DPP6: variants seen among roughly 807,000 people sequenced by gnomAD.
DPP6 encodes the protein dipeptidyl peptidase like 6.
Under a neutral mutation model 122.6 loss-of-function variants are expected in DPP6, and 69 were observed. The observed-to-expected ratio is 0.56, with a 90% CI of 0.46 to 0.69. The LOEUF is 0.69. Ranked by LOEUF, DPP6 falls within the 30% of genes least tolerant of loss-of-function variation. DPP6 has a pLI of 0.00. For missense variants in DPP6, 928 were observed against 1,116.9 expected, an observed-to-expected ratio of 0.83 and a Z score of 2.41; for synonymous variants, 418 against 433.1, an observed-to-expected ratio of 0.97 and a Z score of 0.43.
chr7:154,408,801 T>C (rs1183344999), intron 1 of DPP6, among the ~76,000 whole-genome samples: 1 of 152,108 alleles, frequency 6.6e-6, no homozygotes, highest in Non-Finnish European at 1.5e-5. Flanking sequence ...ATCATTTATT[T>C]ATATCAACAT....
intron 20 of DPP6, among the ~76,000 whole-genome samples, chr7:154,879,376 C>T (rs1286971051): frequency 8.9e-6 from 1 of 112,516 alleles, no homozygotes; most frequent in Non-Finnish European, 1.7e-5. Flanking sequence ...GTCAGGAGAT[C>T]GAGACCATCC....
rs2293354 is a variant in DPP6 at position 154,872,964 on chromosome 7, G to A, written c.1883+271G>A. Among the ~76,000 whole-genome samples, 25,287 of 152,138 alleles carry A rather than the reference G, an allele frequency of 0.17. 2,471 individuals are homozygous for A. Among genetic ancestry groups the A allele is most frequent in the East Asian group, 0.54 (2,744 of 5,126 alleles). ...ATAAAGTGAGGCTGCTGGGATCATC[G>A]TAGTGGCATTTTGCATGACAGGCTC... On this transcript the variant is annotated intron_variant, in intron 19 of 25. Coordinates refer to ENST00000377770, the MANE Select transcript of DPP6 (RefSeq NM_130797.4).
At chr7:154,539,367 C>A (rs1828523419) in intron 3 of DPP6, among the ~76,000 whole-genome samples, 1 of 152,078 alleles carries the variant, frequency 6.6e-6, no homozygotes, top group Non-Finnish European at 1.5e-5. Context: ...TGCTTACTTA[C>A]TATTTTTGTT....
the DPP6 span, among the ~76,000 whole-genome samples, chr7:153,814,108 C>T: frequency 6.6e-6 from 1 of 152,078 alleles, no homozygotes; most frequent in African/African-American, 2.4e-5. Flanking sequence ...ATGCCTATGT[C>T]CTGAATGGTA....
chr7:154,889,014 C>G (rs573217925), intron 23 of DPP6, among the ~76,000 whole-genome samples: 1 of 152,320 alleles, frequency 6.6e-6, no homozygotes, highest in East Asian at 1.9e-4. Context: ...ATTCATCTCC[C>G]ACTGGGTCCC....
At chr7:153,868,443 G>T in the DPP6 span, among the ~76,000 whole-genome samples, 3 of 152,174 alleles carry the variant, frequency 2.0e-5, no homozygotes, top group Non-Finnish European at 4.4e-5. Flanking sequence ...TTGCGTAGAG[G>T]TGTTTATGGT....
At chr7:153,920,375 T>C (rs1031203227) in intron 1 of DPP6, among the ~76,000 whole-genome samples, 1 of 152,098 alleles carries the variant, frequency 6.6e-6, no homozygotes. Flanking sequence ...TGCGATGCTG[T>C]GTGGCAACAA....
At chr7:154,608,178 C>T (rs28776593) in intron 5 of DPP6, among the ~76,000 whole-genome samples, 3 of 149,622 alleles carry the variant, frequency 2.0e-5, no homozygotes, top group Non-Finnish European at 4.5e-5. Context: ...ATGGGGTTTC[C>T]CTGTGTTAGC....
the DPP6 span, among the ~76,000 whole-genome samples, chr7:153,825,722 G>A: frequency 2.0e-5 from 3 of 152,040 alleles, no homozygotes; most frequent in African/African-American, 2.4e-5. Flanking sequence ...ACAACGCCCG[G>A]CAAATTTTTT....
the DPP6 span, among the ~76,000 whole-genome samples, chr7:153,755,242 T>A: frequency 2.0e-5 from 3 of 147,644 alleles, no homozygotes; most frequent in African/African-American, 7.5e-5. Context: ...AGCACCTGCA[T>A]GACTCAGGGG....
intron 17 of DPP6, among the ~76,000 whole-genome samples, chr7:154,856,326 G>T (rs1298754752): frequency 6.6e-6 from 1 of 152,180 alleles, no homozygotes; most frequent in Non-Finnish European, 1.5e-5. Context: ...TTCCAGCCTG[G>T]ATGTGATCAG....
intron 16 of DPP6, among the ~76,000 whole-genome samples, chr7:154,815,645 G>A (rs1799377978): frequency 6.6e-6 from 1 of 152,166 alleles, no homozygotes; most frequent in South Asian, 2.1e-4. Flanking sequence ...AACATTTTTT[G>A]TATGTTTAAA....
intron 16 of DPP6, among the ~76,000 whole-genome samples, chr7:154,834,499 AAAAAC>A (rs1333055687): frequency 2.6e-5 from 4 of 151,474 alleles, no homozygotes; most frequent in Admixed American, 6.6e-5. Flanking sequence ...AAACAAAAAC[AAAAAC>A]AAAAAAAACC....
intron 1 of DPP6, among the ~76,000 whole-genome samples, chr7:154,301,670 A>T (rs1805909167): frequency 6.6e-6 from 1 of 151,978 alleles, no homozygotes; most frequent in African/African-American, 2.4e-5. Flanking sequence ...TTAGCTTGAG[A>T]GGATAAACTT....
At chr7:154,065,074 A>G (rs934108709) in intron 1 of DPP6, among the ~76,000 whole-genome samples, 4 of 151,956 alleles carry the variant, frequency 2.6e-5, no homozygotes, top group African/African-American at 9.7e-5. Flanking sequence ...AACTCCCTAA[A>G]TGGGTGACTG....
chr7:153,810,696 C>G, the DPP6 span, among the ~76,000 whole-genome samples: 1 of 149,550 alleles, frequency 6.7e-6, no homozygotes, highest in African/African-American at 2.5e-5. Context: ...CTCTCTCTCT[C>G]TCTCTCTCTC....
intron 1 of DPP6, among the ~76,000 whole-genome samples, chr7:154,387,537 G>A (rs1361929525): frequency 6.6e-6 from 1 of 152,184 alleles, no homozygotes; most frequent in Non-Finnish European, 1.5e-5. Flanking sequence ...ATCTCCAGGA[G>A]GATCATGTGA....
chr7:154,847,330 A>G (rs985387730), intron 16 of DPP6, among the ~76,000 whole-genome samples: 2 of 152,258 alleles, frequency 1.3e-5, no homozygotes, highest in African/African-American at 2.4e-5. Flanking sequence ...TGGTAGAAAT[A>G]TCTTTTAAAT....
At chr7:154,478,441 C>T (rs1822946417) in intron 3 of DPP6, among the ~76,000 whole-genome samples, 1 of 152,298 alleles carries the variant, frequency 6.6e-6, no homozygotes, top group Non-Finnish European at 1.5e-5. Context: ...TCCTCCTCCT[C>T]TTCCTCACAT....
Sources: allele counts gnomAD v4.1 joint callset (sites outside exome capture counted in the v4.1 genomes callset), GRCh38; gene constraint gnomAD v4.1.1; transcripts MANE v1.5; gene names NCBI Gene and HGNC (gene_info 2026-07-23, HGNC 2026-07-21).